Variants in POLA1 observed in about 807,000 individuals in gnomAD.
The protein encoded by POLA1 is DNA polymerase alpha 1, catalytic subunit.
Under a neutral mutation model 124.0 loss-of-function variants are expected in POLA1, and 15 were observed. The ratio of observed to expected loss-of-function variants is 0.12; its 90% CI spans 0.08 to 0.19. The LOEUF is 0.19. POLA1 is among the 10% of genes least tolerant of loss of function. POLA1 has a pLI of 1.00. For missense variants in POLA1, 886 were observed against 1,103.4 expected (o/e 0.80, Z 2.79); for synonymous variants, 408 against 389.4 (o/e 1.05, Z -0.56).
At chrX:24,903,460 G>A (rs745905194) in intron 35 of POLA1, among the ~76,000 whole-genome samples, 38 of 112,127 alleles carry the variant, frequency 3.4e-4, no homozygotes, top group Non-Finnish European at 6.4e-4. Context: ...GGTCTGGGAC[G>A]TGGGAAACAA....
rs1451707941 is a variant in POLA1, at chrX:24,879,394, A to AG, written c.4048-8607dup. Among the ~76,000 whole-genome samples, 5 of 111,971 alleles carry AG rather than the reference A, an allele frequency of 4.5e-5. No individual in the cohort carries two copies. In the East Asian group the frequency reaches 1.4e-3, roughly 31 times the overall value. On this transcript the variant is annotated intron_variant, in intron 34 of 36. Coordinates refer to ENST00000379068, the MANE Select transcript of POLA1 (RefSeq NM_001330360.2). ...CCCCAAGTCACTTGTAGCTTCATAT[A>AG]GGGGGAAAAAAGTATTTTCTGAAAA...
At chrX:24,815,239 A>T in intron 30 of POLA1, 128 bp downstream of exon 30, 1 of 592,398 alleles carries the variant, frequency 1.7e-6, no homozygotes. Flanking sequence ...CTGCTTAACA[A>T]CTATCTCACA....
intron 36 of POLA1, among the ~76,000 whole-genome samples, chrX:24,968,988 C>G (rs1477760393): frequency 1.8e-5 from 2 of 111,208 alleles, no homozygotes; most frequent in African/African-American, 6.5e-5. Context: ...GTGGGCATAT[C>G]ACGAGGTCAG....
chrX:24,976,035 A>G (rs1038926798), intron 36 of POLA1, among the ~76,000 whole-genome samples: 3 of 112,634 alleles, frequency 2.7e-5, no homozygotes, highest in African/African-American at 6.5e-5. Context: ...ATACACTACT[A>G]TACCACAGGT....
intron 29 of POLA1, among the ~76,000 whole-genome samples, chrX:24,814,530 G>T (rs868614345): frequency 2.7e-5 from 3 of 111,741 alleles, no homozygotes; most frequent in Middle Eastern, 4.7e-3. Context: ...CTCATCTAGC[G>T]CATGGTTGTT....
intron 1 of POLA1, among the ~76,000 whole-genome samples, chrX:24,698,202 A>T (rs750631252): frequency 3.1e-4 from 35 of 111,666 alleles, no homozygotes; most frequent in South Asian, 1.9e-3. Context: ...TCAGCCTCCC[A>T]AAGTGCTGGG....
At chrX:24,898,226 A>G (rs1025671819) in intron 35 of POLA1, among the ~76,000 whole-genome samples, 1 of 112,520 alleles carries the variant, frequency 8.9e-6, no homozygotes, top group African/African-American at 3.2e-5. Context: ...TATTTGATAC[A>G]TTATAACAGG....
intron 35 of POLA1, among the ~76,000 whole-genome samples, chrX:24,910,811 C>T (rs2047438521): frequency 1.8e-5 from 2 of 111,609 alleles, no homozygotes; most frequent in Admixed American, 9.5e-5. Flanking sequence ...ACTTCGCAAG[C>T]GTGACACTAC....
chrX:24,741,902 A>T, intron 21 of POLA1, 100 bp from the exon 22 acceptor site: 2 of 561,074 alleles, frequency 3.6e-6, no homozygotes, highest in Non-Finnish European at 5.6e-6. Context: ...TATTAGGAAT[A>T]GTTTTGAAGG....
chrX:24,962,511 T>C (rs1420996285), intron 36 of POLA1, among the ~76,000 whole-genome samples: 1 of 112,265 alleles, frequency 8.9e-6, no homozygotes, highest in Non-Finnish European at 1.9e-5. Context: ...CTATATGTTT[T>C]AGGCATCACA....
In POLA1 at chrX:24,888,090, C is replaced by T. The variant is rs1440580279; in HGVS notation, c.4132C>T (p.Pro1378Ser). 1.7e-6 allele frequency: 2 copies of T among 1,193,171 alleles called. No homozygotes were observed. The highest frequency in any genetic ancestry group is 2.2e-5 in the Admixed American group (1 of 45,596). ...ATTCTCCCGAACTGGGCCTCTTTGC[C>T]CAGCCTGCATGAAAGCTACACTTCA... ...LQFSRTGPLC[P>S]ACMKATLQPE... The change falls in exon 35 of 37, where the codon CCA (proline) becomes TCA (serine). Residue 1378 changes from proline (P) to serine (S), a missense_variant. Coordinates refer to ENST00000379068, the MANE Select transcript of POLA1 (RefSeq NM_001330360.2).
rs199912686 is a variant in POLA1, at chrX:24,739,449, A to G, written c.2115A>G (p.Glu705=). Residue 705 remains glutamate (E), a synonymous_variant, in exon 20 of 37, where the codon GAA becomes GAG. Transcript: ENST00000379068. The part of the protein sequence containing the change: ...MICDVEISAK[E]LIRCKSYHLS... ...GTGATGTGGAAATTTCAGCAAAGGAATTGATTCGTTGTAAAAGCTACCATC... is the reference window on the plus strand; with the variant it reads ...GTGATGTGGAAATTTCAGCAAAGGAGTTGATTCGTTGTAAAAGCTACCATC... The G allele has an allele frequency of 2.0e-5, 24 of 1,193,145 alleles. No homozygotes were observed. Among genetic ancestry groups the G allele is most frequent in the Non-Finnish European group, 2.6e-5 (23 of 880,872 alleles).
In POLA1 at chrX:24,840,819, A is replaced by C. The variant is rs1247501925; in HGVS notation, c.3737-833A>C. The stretch of plus-strand genomic sequence containing the variant: ...CCTTAGCAATCCCTAAAATTCTAAG[A>C]AACAGTGTAGAATAATTATTTTTAA... On this transcript the variant is annotated intron_variant, in intron 32 of 36. Transcript: ENST00000379068. Among the ~76,000 whole-genome samples the C allele has an allele frequency of 2.7e-5, 3 of 112,281 alleles. No homozygotes were observed. The East Asian group carries it at 8.3e-4, about 31-fold the overall frequency.
At position 24,812,855 on chromosome X, in the gene POLA1, C is replaced by T. The variant is rs760564538; in HGVS notation, c.3288C>T (p.Asp1096=). The stretch of plus-strand genomic sequence containing the variant: ...GAGATTGGTGTGATCTTGCTAAAGA[C>T]ACTGGAAAGTGAGTTCAGCTTTCAG... ...VRRDWCDLAK[D]TGNFVIGQIL... Residue 1096 remains aspartate, a synonymous_variant, in exon 29 of 37, where the codon GAC becomes GAT. Coordinates refer to ENST00000379068, the MANE Select transcript of POLA1 (RefSeq NM_001330360.2). The T allele has an allele frequency of 1.7e-6, 2 of 1,165,258 alleles. No homozygotes were observed. The highest frequency in any genetic ancestry group is 3.7e-5 in the South Asian group (2 of 54,067).
chrX:24,969,207 C>CAA (rs369936803), intron 36 of POLA1, among the ~76,000 whole-genome samples: 7 of 87,681 alleles, frequency 8.0e-5, no homozygotes, highest in East Asian at 3.5e-4. Flanking sequence ...GACTCCGTCT[C>CAA]AAAAAAAAAA....
At chrX:24,772,264 T>A (rs1475926824) in intron 26 of POLA1, among the ~76,000 whole-genome samples, 3 of 112,009 alleles carry the variant, frequency 2.7e-5, no homozygotes, top group African/African-American at 9.7e-5. Context: ...GATTATTTCC[T>A]TAAAATGAGT....
rs2048534345 is a variant in POLA1 at position 24,991,413 on chromosome X, G to A, written c.4262-4392G>A. Among the ~76,000 whole-genome samples the A allele has an allele frequency of 4.4e-5, 5 of 112,513 alleles. 1 individual carries two copies. Among genetic ancestry groups the A allele is most frequent in the South Asian group, 7.4e-4 (2 of 2,716 alleles). ...GCCACTGAAACATGGTAAGGGGCACGACTCTTACCTTCTATTCTTGTCTAT... is the reference window on the plus strand; with the variant it reads ...GCCACTGAAACATGGTAAGGGGCACAACTCTTACCTTCTATTCTTGTCTAT... On this transcript the variant is annotated intron_variant, in intron 36 of 36. Transcript: ENST00000379068.
intron 30 of POLA1, among the ~76,000 whole-genome samples, chrX:24,815,458 T>G (rs2045977215): frequency 9.0e-6 from 1 of 110,992 alleles, no homozygotes; most frequent in African/African-American, 3.3e-5. Flanking sequence ...ATAGTTCCCC[T>G]AAGTAATAGT....
chrX:24,921,322 G>A (rs1368515188), intron 35 of POLA1, among the ~76,000 whole-genome samples: 1 of 111,924 alleles, frequency 8.9e-6, no homozygotes, highest in Non-Finnish European at 1.9e-5. Context: ...GTGTAGCATC[G>A]GAACTAAAAC....
Sources: allele counts gnomAD v4.1 joint callset (sites outside exome capture counted in the v4.1 genomes callset), GRCh38; gene constraint gnomAD v4.1.1; transcripts MANE v1.5; gene names NCBI Gene and HGNC (gene_info 2026-07-23, HGNC 2026-07-21).